SLC8A3: variants seen among roughly 807,000 people sequenced by gnomAD.
The protein encoded by SLC8A3 is solute carrier family 8 member A3.
SLC8A3 carries 37 observed loss-of-function variants against 65.4 expected under a neutral mutation model. That is an observed-to-expected ratio of 0.57 (90% CI 0.44 to 0.74). The LOEUF is 0.74. Among genes scored for constraint, SLC8A3 ranks in the 30% least tolerant of loss-of-function variants. The pLI is 0.00. For synonymous variants in SLC8A3, 461 were observed against 444.5 expected, an observed-to-expected ratio of 1.04 and a Z score of -0.47; for missense variants, 1,112 against 1,172.1, an observed-to-expected ratio of 0.95 and a Z score of 0.75.
intron 2 of SLC8A3, among the ~76,000 whole-genome samples, chr14:70,084,020 T>G (rs2140018027): frequency 6.6e-6 from 1 of 152,338 alleles, no homozygotes; most frequent in South Asian, 2.1e-4. Flanking sequence ...TATAGCTGAA[T>G]AACATTGGGA....
intron 2 of SLC8A3, among the ~76,000 whole-genome samples, chr14:70,086,611 C>T (rs1192926890): frequency 6.6e-6 from 1 of 151,978 alleles, no homozygotes; most frequent in African/African-American, 2.4e-5. Context: ...GCCATGTTGG[C>T]CAGGCTGGTC....
intron 2 of SLC8A3, among the ~76,000 whole-genome samples, chr14:70,081,800 C>A (rs560670134): frequency 2.3e-3 from 350 of 152,334 alleles, no homozygotes; most frequent in Non-Finnish European, 3.8e-3. Flanking sequence ...TTGGGAAAAT[C>A]TGCAGGGAAA....
At chr14:70,137,838 G>T (rs1895308437) in intron 2 of SLC8A3, among the ~76,000 whole-genome samples, 1 of 123,492 alleles carries the variant, frequency 8.1e-6, no homozygotes, top group Non-Finnish European at 1.7e-5. Flanking sequence ...TTGTTAATTT[G>T]GCTCCCTGGG....
At chr14:70,110,642 G>T (rs527559996) in intron 2 of SLC8A3, among the ~76,000 whole-genome samples, 3 of 150,034 alleles carry the variant, frequency 2.0e-5, no homozygotes, top group African/African-American at 7.3e-5. Flanking sequence ...GAACAGTGCT[G>T]CTGCAAACAT....
chr14:70,051,949 AATTT>A (rs1887559190), intron 4 of SLC8A3, 37 bp downstream of exon 4: 2 of 1,572,782 alleles, frequency 1.3e-6, no homozygotes, highest in African/African-American at 1.4e-5. Flanking sequence ...CTCCCACTTT[AATTT>A]ATTTATTATT....
intron 2 of SLC8A3, among the ~76,000 whole-genome samples, chr14:70,085,317 T>A (rs966379635): frequency 6.6e-6 from 1 of 152,172 alleles, no homozygotes; most frequent in African/African-American, 2.4e-5. Flanking sequence ...TTATTATTAT[T>A]TACTACTAAA....
intron 2 of SLC8A3, among the ~76,000 whole-genome samples, chr14:70,102,896 T>C (rs1892631067): frequency 6.6e-6 from 1 of 151,964 alleles, no homozygotes; most frequent in Admixed American, 6.6e-5. Context: ...TATATAATAA[T>C]TGGCTTAAAT....
At chr14:70,144,229 C>T (rs559636112) in intron 2 of SLC8A3, among the ~76,000 whole-genome samples, 1 of 151,258 alleles carries the variant, frequency 6.6e-6, no homozygotes, top group Non-Finnish European at 1.5e-5. Flanking sequence ...GCCACAGCCT[C>T]TCTTTCCATT....
Position 70,168,476 on chromosome 14 carries a change from G to T in SLC8A3, c.-54C>A, listed in dbSNP as rs878883934. On this transcript the variant is annotated 5_prime_UTR_variant, in exon 2 of 7. Transcript: ENST00000356921. ...GCAGCACCAGTTGTCCTCCTGATAG[G>T]CCAGAGACCTAGAAAAGATCAGAGA... The T allele has an allele frequency of 2.1e-6, 3 of 1,423,200 alleles. No homozygotes were observed. The highest frequency in any genetic ancestry group is 1.9e-5 in the Admixed American group (1 of 52,678). 88.2% of individuals were successfully genotyped at this position (1,423,200 alleles called of 1,614,324 possible). A position where few individuals can be genotyped will look rare whatever the true frequency, so the allele number is the denominator to read the frequency against.
At chr14:70,146,441 TGAG>T (rs1895932450) in intron 2 of SLC8A3, among the ~76,000 whole-genome samples, 1 of 152,096 alleles carries the variant, frequency 6.6e-6, no homozygotes, top group African/African-American at 2.4e-5. Flanking sequence ...GGAGACATAT[TGAG>T]GAGATGATGG....
At chr14:70,173,414 G>A (rs527305796) in intron 1 of SLC8A3, among the ~76,000 whole-genome samples, 4 of 152,210 alleles carry the variant, frequency 2.6e-5, no homozygotes, top group East Asian at 1.9e-4. Context: ...TCTTCCTAAC[G>A]CCTCTGAGGC....
intron 2 of SLC8A3, among the ~76,000 whole-genome samples, chr14:70,146,245 T>C (rs1895921342): frequency 6.6e-6 from 1 of 152,138 alleles, no homozygotes; most frequent in South Asian, 2.1e-4. Flanking sequence ...ATGTCGACAA[T>C]GCCATGGCTG....
At chr14:70,067,711 C>G (rs552286477) in intron 2 of SLC8A3, among the ~76,000 whole-genome samples, 1 of 152,272 alleles carries the variant, frequency 6.6e-6, no homozygotes, top group South Asian at 2.1e-4. Context: ...AGCTGCAGAC[C>G]CAGTATCATC....
intron 2 of SLC8A3, among the ~76,000 whole-genome samples, chr14:70,072,599 A>G (rs146534164): frequency 3.4e-3 from 47 of 13,988 alleles, no homozygotes; most frequent in African/African-American, 0.011. Context: ...CTATCCGTCC[A>G]TCCATCCATC....
chr14:70,054,259 T>TG (rs984307264), intron 3 of SLC8A3, among the ~76,000 whole-genome samples: 7 of 138,096 alleles, frequency 5.1e-5, no homozygotes, highest in Admixed American at 2.2e-4. Context: ...AGCTTGGGGG[T>TG]GGGGGGGTGG....
chr14:70,135,222 T>C (rs1895110965), intron 2 of SLC8A3, among the ~76,000 whole-genome samples: 1 of 152,144 alleles, frequency 6.6e-6, no homozygotes, highest in Non-Finnish European at 1.5e-5. Flanking sequence ...ATGGCTATTA[T>C]CAAAAAGACA....
chr14:70,094,190 T>C (rs1891997993), intron 2 of SLC8A3, among the ~76,000 whole-genome samples: 1 of 152,190 alleles, frequency 6.6e-6, no homozygotes, highest in African/African-American at 2.4e-5. Flanking sequence ...TGGGAGGCAG[T>C]GGTAGAAAGA....
chr14:70,088,542 C>T (rs1455002647), intron 2 of SLC8A3, among the ~76,000 whole-genome samples: 1 of 152,170 alleles, frequency 6.6e-6, no homozygotes, highest in Non-Finnish European at 1.5e-5. Context: ...AGGTTTCCTG[C>T]CAGCATCCTG....
rs1887455925 is a variant in SLC8A3, at chr14:70,051,100, A to T, written c.2021T>A (p.Val674Glu). 6.2e-7 allele frequency: 1 copy of T among 1,611,888 alleles called. No individual in the cohort carries two copies. The highest frequency in any genetic ancestry group is 8.5e-7 in the Non-Finnish European group (1 of 1,178,094). Reference protein sequence around the residue: ...IEESYEFKTTVDKLIKKTNLA... With the variant: ...IEESYEFKTTEDKLIKKTNLA... The stretch of plus-strand genomic sequence containing the variant: ...GTTTGTCTTCTTGATCAGTTTGTCC[A>T]CCGTAGTCTGTTAAGAAGAGAAAAA... The change falls in exon 5 of 7, where the codon GTG becomes GAG. Residue 674 changes from valine to glutamate, a missense_variant. Transcript: ENST00000356921.
Sources: allele counts gnomAD v4.1 joint callset (sites outside exome capture counted in the v4.1 genomes callset), GRCh38; gene constraint gnomAD v4.1.1; transcripts MANE v1.5; gene names NCBI Gene and HGNC (gene_info 2026-07-23, HGNC 2026-07-21).